HADHA: variants seen among roughly 807,000 people sequenced by gnomAD.
The protein encoded by HADHA is trifunctional enzyme subunit alpha, mitochondrial.
Under a neutral mutation model 91.3 loss-of-function variants are expected in HADHA, and 59 were observed. That is an observed-to-expected ratio of 0.65 (90% CI 0.52 to 0.80). HADHA has a LOEUF of 0.80. Among genes scored for constraint, HADHA ranks in the 30% least tolerant of loss-of-function variants. The pLI is 0.00. For synonymous variants in HADHA, 320 were observed against 338.9 expected, an observed-to-expected ratio of 0.94 and a Z score of 0.61; for missense variants, 800 against 927.6, an observed-to-expected ratio of 0.86 and a Z score of 1.79.
chr2:26,201,011 C>G, intron 13 of HADHA, 138 bp downstream of exon 13: 1 of 734,166 alleles, frequency 1.4e-6, no homozygotes, highest in Non-Finnish European at 2.4e-6. Flanking sequence ...GGATTATAGG[C>G]GTGAGCCACC....
chr2:26,230,259 A>C lies in HADHA; in HGVS notation c.609T>G (p.Thr203=), dbSNP rs2147779949. ...CCCTGTCTGCACGAATGCTTCTACC[A>C]GTCAGCATCATGTCCAAAGCAGCAG... ...GVPAALDMML[T]GRSIRADRAK... The change falls in exon 7 of 20, where the codon ACT becomes ACG. Residue 203 remains threonine (T), a synonymous_variant. Coordinates refer to ENST00000380649, the MANE Select transcript of HADHA (RefSeq NM_000182.5). The C allele has an allele frequency of 6.2e-7, 1 of 1,613,798 alleles. No individual in the cohort carries two copies. Among genetic ancestry groups the C allele is most frequent in the African/African-American group, 1.3e-5 (1 of 75,040 alleles).
Position 26,201,014 on chromosome 2 carries a change from G to C in HADHA, c.1392+135C>G, listed in dbSNP as rs1219272481. The C allele has an allele frequency of 1.5e-5, 11 of 747,412 alleles. No individual in the cohort carries two copies. The South Asian group carries it at 1.5e-4, about 10-fold the overall frequency. The allele number at this position is 747,412 out of a possible 1,614,324, so 46.3% of individuals were successfully genotyped here. On this transcript the variant is annotated intron_variant, in intron 13 of 19. Coordinates refer to ENST00000380649, the MANE Select transcript of HADHA (RefSeq NM_000182.5). ...CCCAAACTACTGGGATTATAGGCGTGAGCCACCATGCCCAGCCTTTGAATA... is the reference window on the plus strand; with the variant it reads ...CCCAAACTACTGGGATTATAGGCGTCAGCCACCATGCCCAGCCTTTGAATA...
intron 12 of HADHA, among the ~76,000 whole-genome samples, chr2:26,201,606 CTT>C (rs1669836599): frequency 6.6e-6 from 1 of 152,154 alleles, no homozygotes; most frequent in African/African-American, 2.4e-5. Context: ...CTAAATCACT[CTT>C]AAACCAGTTA....
chr2:26,206,488 C>T (rs1669974528), intron 11 of HADHA, among the ~76,000 whole-genome samples: 1 of 152,062 alleles, frequency 6.6e-6, no homozygotes. Flanking sequence ...CTCGGAATCC[C>T]AAAGTGCTGG....
intron 7 of HADHA, among the ~76,000 whole-genome samples, chr2:26,227,196 A>G (rs1670504080): frequency 6.6e-6 from 1 of 152,178 alleles, no homozygotes; most frequent in Admixed American, 6.6e-5. Flanking sequence ...TAATTAGGGT[A>G]ATATAAAAAC....
At chr2:26,208,159 T>C (rs1006549366) in intron 11 of HADHA, among the ~76,000 whole-genome samples, 6 of 152,208 alleles carry the variant, frequency 3.9e-5, no homozygotes, top group South Asian at 2.1e-4. Context: ...CAGTTTTTTT[T>C]CTGATTTGCA....
chr2:26,212,068 C>A, intron 10 of HADHA: 1 of 169,874 alleles, frequency 5.9e-6, no homozygotes. Flanking sequence ...ATCTGCAGAC[C>A]ATAGGGTTTT....
rs200017313 is a variant in HADHA, at chr2:26,212,628, T to C, written c.919-2A>G. On this transcript the variant is annotated splice_acceptor_variant, in intron 9 of 19. Coordinates refer to ENST00000380649, the MANE Select transcript of HADHA (RefSeq NM_000182.5). LOFTEE classifies it high-confidence loss of function. ...TTGCTCAATTCCAGTCTTTACCACCTAAAAAACATATAAAGCACTTGCTCA... is the reference window on the plus strand; with the variant it reads ...TTGCTCAATTCCAGTCTTTACCACCCAAAAAACATATAAAGCACTTGCTCA... 45 of 1,588,036 alleles carry C rather than the reference T, an allele frequency of 2.8e-5. No individual in the cohort carries two copies. The highest frequency in any genetic ancestry group is 3.7e-5 in the Non-Finnish European group (43 of 1,156,332).
chr2:26,198,505 A>C (rs1279533275), intron 13 of HADHA, among the ~76,000 whole-genome samples: 1 of 152,024 alleles, frequency 6.6e-6, no homozygotes, highest in Non-Finnish European at 1.5e-5. Flanking sequence ...TTGGATGAGA[A>C]ACGTGGAAGG....
At chr2:26,202,721 A>G (rs1177796838) in intron 12 of HADHA, among the ~76,000 whole-genome samples, 1 of 152,248 alleles carries the variant, frequency 6.6e-6, no homozygotes, top group Non-Finnish European at 1.5e-5. Flanking sequence ...AGCCTCGGTA[A>G]TAGAGTGAGA....
chr2:26,220,031 C>T (rs113286004), intron 7 of HADHA, among the ~76,000 whole-genome samples: 2 of 152,184 alleles, frequency 1.3e-5, no homozygotes, highest in Non-Finnish European at 2.9e-5. Context: ...TACCCTTCCC[C>T]AAAGGGACCT....
At chr2:26,195,454 T>C (rs534858417) in intron 14 of HADHA, among the ~76,000 whole-genome samples, 8 of 152,210 alleles carry the variant, frequency 5.3e-5, no homozygotes, top group African/African-American at 1.9e-4. Flanking sequence ...CTAAGGTTTT[T>C]CACTACAGAC....
At chr2:26,241,473 A>G (rs1202083311) in intron 1 of HADHA, among the ~76,000 whole-genome samples, 1 of 145,748 alleles carries the variant, frequency 6.9e-6, no homozygotes, top group Non-Finnish European at 1.5e-5. Context: ...TACAACAACA[A>G]CAACAAAAAA....
In HADHA at chr2:26,214,460, G is replaced by A; in HGVS notation, c.901C>T (p.Pro301Ser). The A allele has an allele frequency of 6.5e-7, 1 of 1,527,312 alleles. No homozygotes were observed. Among genetic ancestry groups the A allele is most frequent in the South Asian group, 1.1e-5 (1 of 89,266 alleles). The allele number at this position is 1,527,312 out of a possible 1,614,324, so 94.6% of individuals were successfully genotyped here. Residue 301 changes from proline to serine, a missense_variant, in exon 9 of 20, where the codon CCT becomes TCT. Physicochemically the swap from Pro to Ser is moderately conservative, Grantham distance 74. Transcript: ENST00000380649. This position sits in a 1 kb window ranked among gnomAD's most constrained non-coding sequence, Gnocchi z 4.1. Reference sequence around the variant, plus strand: ...AGACTCACATCAATTATTTTCAGAGGTGCAGGATAAAGGCCTTTAGTCTGC... The same window carrying A: ...AGACTCACATCAATTATTTTCAGAGATGCAGGATAAAGGCCTTTAGTCTGC... ...RKQTKGLYPA[P>S]LKIIDVVKTG...
In HADHA at chr2:26,212,791, C is replaced by G. The variant is rs139957431; in HGVS notation, c.919-165G>C. Among the ~76,000 whole-genome samples the G allele has an allele frequency of 4.7e-3, 712 of 152,320 alleles. 3 individuals are homozygous for G. The highest frequency in any genetic ancestry group is 0.016 in the African/African-American group (684 of 41,564). ...TGAGGATCTGGCTGCTCTCGACTGA[C>G]TTAATTCTCCATCTTTGAGGCTACT... On this transcript the variant is annotated intron_variant, in intron 9 of 19. Coordinates refer to ENST00000380649, the MANE Select transcript of HADHA (RefSeq NM_000182.5).
chr2:26,204,505 G>C (rs1366029255), intron 11 of HADHA, among the ~76,000 whole-genome samples: 2 of 152,138 alleles, frequency 1.3e-5, no homozygotes, highest in Non-Finnish European at 2.9e-5. Context: ...GAGTATTTTT[G>C]TTTTTCGAAC....
At chr2:26,199,023 T>C (rs1411737651) in intron 13 of HADHA, among the ~76,000 whole-genome samples, 1 of 151,658 alleles carries the variant, frequency 6.6e-6, no homozygotes, top group African/African-American at 2.4e-5. Context: ...GCCTCCCGAG[T>C]AGCTGGGATT....
At chr2:26,194,988 A>G in intron 15 of HADHA, 104 bp downstream of exon 15, 1 of 1,000,312 alleles carries the variant, frequency 1.0e-6, no homozygotes. Context: ...ATCATATCAA[A>G]GTCTGGTCAT....
intron 14 of HADHA, among the ~76,000 whole-genome samples, chr2:26,195,884 C>A (rs1669656902): frequency 1.3e-5 from 2 of 152,192 alleles, no homozygotes; most frequent in Admixed American, 1.3e-4. Flanking sequence ...ATAATCCCTC[C>A]TGGTGATTCT....
Sources: allele counts gnomAD v4.1 joint callset (sites outside exome capture counted in the v4.1 genomes callset), GRCh38; gene constraint gnomAD v4.1.1; non-coding constraint Gnocchi (gnomAD v3.1); transcripts MANE v1.5; gene names NCBI Gene and HGNC (gene_info 2026-07-23, HGNC 2026-07-21).